CUX1: variants seen among roughly 807,000 people sequenced by gnomAD.
The protein encoded by CUX1 is protein CASP.
A neutral mutation model predicts 158.8 loss-of-function variants in CUX1; 31 were observed. The observed-to-expected ratio is 0.20, with a 90% CI of 0.15 to 0.26. The LOEUF is 0.26. Among genes scored for constraint, CUX1 ranks in the 10% least tolerant of loss-of-function variants. The pLI, the probability that CUX1 is intolerant of heterozygous loss-of-function variation, is 1.00. For synonymous variants in CUX1, 879 were observed against 862.1 expected (o/e 1.02, Z -0.34); for missense variants, 1,589 against 2,014.6 (o/e 0.79, Z 4.04).
intron 1 of CUX1, among the ~76,000 whole-genome samples, chr7:101,841,455 T>G (rs1355261830): frequency 6.6e-6 from 1 of 152,018 alleles, no homozygotes; most frequent in African/African-American, 2.4e-5. Flanking sequence ...AATCTTGCCT[T>G]TTTTTTATGT....
intron 11 of CUX1, among the ~76,000 whole-genome samples, chr7:102,180,399 C>A (rs547769995): frequency 2.1e-4 from 31 of 150,704 alleles, no homozygotes; most frequent in Non-Finnish European, 3.7e-4. Context: ...TCACGGCAAC[C>A]TCGAAGTCTC....
At chr7:101,842,269 A>G (rs1400909987) in intron 1 of CUX1, among the ~76,000 whole-genome samples, 1 of 152,118 alleles carries the variant, frequency 6.6e-6, no homozygotes, top group Non-Finnish European at 1.5e-5. Context: ...TTTTGAGTAG[A>G]AAAAAACGTT....
At chr7:102,224,221 T>C (rs1364914543) in intron 20 of CUX1, among the ~76,000 whole-genome samples, 3 of 152,122 alleles carry the variant, frequency 2.0e-5, no homozygotes, top group Non-Finnish European at 2.9e-5. Flanking sequence ...TATTTATTTA[T>C]TTAGAGACAG....
At chr7:102,132,344 C>G (rs1833383458) in intron 8 of CUX1, among the ~76,000 whole-genome samples, 1 of 151,436 alleles carries the variant, frequency 6.6e-6, no homozygotes, top group Non-Finnish European at 1.5e-5. Flanking sequence ...ACACACGCAT[C>G]TTTACAGAAC....
At chr7:102,216,758 ACACT>A (rs1410493627) in intron 20 of CUX1, among the ~76,000 whole-genome samples, 3 of 143,180 alleles carry the variant, frequency 2.1e-5, no homozygotes, top group African/African-American at 5.3e-5. Context: ...CTGCACACAC[ACACT>A]CTTCCACACA....
At chr7:101,965,239 T>G (rs893183177) in intron 2 of CUX1, among the ~76,000 whole-genome samples, 47 of 152,168 alleles carry the variant, frequency 3.1e-4, no homozygotes, top group African/African-American at 1.1e-3. Flanking sequence ...CAGCTGACGT[T>G]GATCAGGTCC....
intron 2 of CUX1, among the ~76,000 whole-genome samples, chr7:102,010,285 C>G (rs1423243205): frequency 6.6e-6 from 1 of 151,354 alleles, no homozygotes; most frequent in Non-Finnish European, 1.5e-5. Flanking sequence ...GCCCCAGCTA[C>G]TCAGGAGGCT....
chr7:102,281,771 A>T, intron 20 of CUX1: 1 of 1,061,688 alleles, frequency 9.4e-7, no homozygotes, highest in Non-Finnish European at 1.5e-6. Context: ...CCTTTCTGTG[A>T]AGCCCAGGCA....
At chr7:102,040,007 G>A (rs114640620) in intron 3 of CUX1, among the ~76,000 whole-genome samples, 2,099 of 152,220 alleles carry the variant, frequency 0.014, 44 homozygotes, top group African/African-American at 0.048. Flanking sequence ...ACGTGCTCTC[G>A]GAGGCTGGGT....
chr7:102,106,079 C>CTTTTTTTTTTTTT (rs782580660), intron 6 of CUX1, among the ~76,000 whole-genome samples: 10 of 72,272 alleles, frequency 1.4e-4, no homozygotes, highest in South Asian at 5.8e-4. Context: ...TTTCTTTTTT[C>CTTTTTTTTTTTTT]TTTTTTTTTT....
chr7:102,221,983 A>G (rs1797852301), intron 20 of CUX1, among the ~76,000 whole-genome samples: 1 of 151,986 alleles, frequency 6.6e-6, no homozygotes, highest in African/African-American at 2.4e-5. Flanking sequence ...AGTAGGCTGG[A>G]TGCGGTGACT....
chr7:101,841,548 TTTTATTTATTTA>T (rs528663893), intron 1 of CUX1, among the ~76,000 whole-genome samples: 6 of 151,598 alleles, frequency 4.0e-5, no homozygotes, highest in African/African-American at 1.5e-4. Context: ...TTTTATTTCA[TTTTATTTATTTA>T]TTTATTTATT....
chr7:102,086,319 T>G (rs117613151), intron 4 of CUX1, among the ~76,000 whole-genome samples: 1,643 of 152,060 alleles, frequency 0.011, 14 homozygotes, highest in Admixed American at 0.022. Context: ...TTACTTTGGG[T>G]TTAATTTGCT....
intron 2 of CUX1, among the ~76,000 whole-genome samples, chr7:101,998,984 C>G (rs997872285): frequency 5.3e-5 from 8 of 152,082 alleles, no homozygotes; most frequent in African/African-American, 1.9e-4. Flanking sequence ...TTTCCCTCCT[C>G]GGGCAGGAGC....
At chr7:102,108,741 TG>T (rs1830615397) in intron 6 of CUX1, among the ~76,000 whole-genome samples, 1 of 145,812 alleles carries the variant, frequency 6.9e-6, no homozygotes, top group African/African-American at 2.6e-5. Flanking sequence ...TCATTTTGTG[TG>T]TGTGTGTGTG....
chr7:101,827,536 C>T (rs528369009), intron 1 of CUX1, among the ~76,000 whole-genome samples: 111 of 151,960 alleles, frequency 7.3e-4, no homozygotes, highest in Non-Finnish European at 9.3e-4. Flanking sequence ...GTCTTGAGCT[C>T]CTGGGTTCAA....
intron 2 of CUX1, among the ~76,000 whole-genome samples, chr7:101,946,598 C>T (rs191636011): frequency 0.019 from 2,819 of 146,576 alleles, 100 homozygotes; most frequent in African/African-American, 0.066. Flanking sequence ...GGGTCAGTGG[C>T]GGTGAAGCTT....
In CUX1 at chr7:102,034,397, A is replaced by G. The variant is rs578002396; in HGVS notation, c.189+6252A>G. Among the ~76,000 whole-genome samples, 21 of 152,282 alleles carry G rather than the reference A, an allele frequency of 1.4e-4. No individual in the cohort carries two copies. The South Asian group carries it at 4.3e-3, about 32-fold the overall frequency. ...CATGATTAAAAACTACCAACAGGCTAGGCATGGTGGTCAGGAGTTTGAGAC... is the reference window on the plus strand; with the variant it reads ...CATGATTAAAAACTACCAACAGGCTGGGCATGGTGGTCAGGAGTTTGAGAC... On this transcript the variant is annotated intron_variant, in intron 3 of 23. Coordinates refer to ENST00000292535, the MANE Select transcript of CUX1 (RefSeq NM_181552.4).
chr7:101,889,128 G>A (rs943969352), intron 1 of CUX1, among the ~76,000 whole-genome samples: 3 of 151,680 alleles, frequency 2.0e-5, no homozygotes, highest in Non-Finnish European at 4.4e-5. Context: ...TGAGTTGGAT[G>A]TGTACCTGTG....
Sources: allele counts gnomAD v4.1 joint callset (sites outside exome capture counted in the v4.1 genomes callset), GRCh38; gene constraint gnomAD v4.1.1; transcripts MANE v1.5; gene names NCBI Gene and HGNC (gene_info 2026-07-23, HGNC 2026-07-21).